Variants in PTPRA observed in about 807,000 individuals in gnomAD.
The protein encoded by PTPRA is protein tyrosine phosphatase receptor type A.
Under a neutral mutation model 104.8 loss-of-function variants are expected in PTPRA, and 25 were observed. That is an observed-to-expected ratio of 0.24 (90% CI 0.17 to 0.33). PTPRA has a LOEUF of 0.33. PTPRA is among the 10% of genes least tolerant of loss of function. The pLI is 1.00. For missense variants in PTPRA, 765 were observed against 1,015.3 expected (o/e 0.75, Z 3.35); for synonymous variants, 323 against 368.9 (o/e 0.88, Z 1.43).
chr20:2,917,297 C>T (rs759457487), intron 1 of PTPRA, among the ~76,000 whole-genome samples: 28 of 151,910 alleles, frequency 1.8e-4, no homozygotes, highest in Non-Finnish European at 8.8e-5. Context: ...AGATGTCTTT[C>T]CATTTATTTA....
intron 5 of PTPRA, among the ~76,000 whole-genome samples, chr20:2,970,040 A>G (rs989574453): frequency 1.3e-5 from 2 of 152,098 alleles, no homozygotes; most frequent in South Asian, 2.1e-4. Flanking sequence ...CATTTATAAT[A>G]TAAATAATAG....
intron 1 of PTPRA, among the ~76,000 whole-genome samples, chr20:2,914,061 A>T (rs1373173773): frequency 1.3e-5 from 2 of 152,166 alleles, no homozygotes; most frequent in Admixed American, 1.3e-4. Context: ...TTTATTCAAT[A>T]AGTTATCTAT....
chr20:2,864,200 T>A, the PTPRA span: 1 of 1,614,176 alleles, frequency 6.2e-7, no homozygotes, highest in Non-Finnish European at 8.5e-7. The surrounding 1 kb of genome is among the most constrained non-coding windows in gnomAD (Gnocchi z 5.2). Flanking sequence ...TGAGCCACGC[T>A]CAGGGGAGCA....
chr20:3,035,768 C>T lies in PTPRA; in HGVS notation c.2047-22C>T, dbSNP rs199573187. 6.8e-6 allele frequency: 11 copies of T among 1,614,210 alleles called. No individual in the cohort carries two copies. Among genetic ancestry groups the T allele is most frequent in the Middle Eastern group, 1.7e-4 (1 of 6,060 alleles). ...GGAAAAGCAGGGTTACCCCTGCCTC[C>T]CTGATCCCCTTTTTTCCAAAGGAGA... On this transcript the variant is annotated intron_variant, in intron 21 of 23. Coordinates refer to ENST00000399903, the MANE Select transcript of PTPRA (RefSeq NM_001385305.1). The surrounding 1 kb of genome is among the most constrained non-coding windows in gnomAD (Gnocchi z 5.8).
Position 3,017,893 on chromosome 20 carries a change from A to C in PTPRA, c.1021A>C (p.Asn341His). ...CACAGCCACCATCGTCATGGTTACC[A>C]ACCTGAAGGAGAGAAAGGAGGTAAG... Reference protein sequence around the residue: ...QNTATIVMVTNLKERKECKCA... With the variant: ...QNTATIVMVTHLKERKECKCA... The change falls in exon 13 of 24, where the codon AAC becomes CAC. Residue 341 changes from asparagine (N) to histidine (H), a missense_variant. Asn to His is a moderately conservative substitution (Grantham distance 68). This residue lies in a region of PTPRA where 245 missense variants were observed against 398.7 expected (regional missense o/e 0.61). Transcript: ENST00000399903. 1 of 1,614,144 alleles carries C rather than the reference A, an allele frequency of 6.2e-7. No homozygotes were observed. Among genetic ancestry groups the C allele is most frequent in the Non-Finnish European group, 8.5e-7 (1 of 1,179,964 alleles).
At chr20:2,997,204 C>CT (rs1198215885) in intron 9 of PTPRA, among the ~76,000 whole-genome samples, 36 of 147,616 alleles carry the variant, frequency 2.4e-4, no homozygotes, top group East Asian at 3.9e-4. Flanking sequence ...TATGTTAATG[C>CT]TTTTTTTTTT....
At position 2,979,218 on chromosome 20, in the gene PTPRA, A is replaced by T. The variant is rs558636347; in HGVS notation, c.442+3977A>T. Among the ~76,000 whole-genome samples the T allele has an allele frequency of 2.6e-5, 4 of 152,162 alleles. 1 individual carries two copies. Among genetic ancestry groups the T allele is most frequent in the African/African-American group, 9.6e-5 (4 of 41,486 alleles). On this transcript the variant is annotated intron_variant, in intron 6 of 23. Coordinates refer to ENST00000399903, the MANE Select transcript of PTPRA (RefSeq NM_001385305.1). Reference sequence around the variant, plus strand: ...GGTTGATTTCAATTAGAATTTAAGAATTTTTTCAGAATACATCTAGGTGTA... The same window carrying T: ...GGTTGATTTCAATTAGAATTTAAGATTTTTTTCAGAATACATCTAGGTGTA...
At chr20:2,896,962 G>A (rs188759687) in intron 1 of PTPRA, among the ~76,000 whole-genome samples, 1 of 152,254 alleles carries the variant, frequency 6.6e-6, no homozygotes, top group Admixed American at 6.5e-5. Flanking sequence ...GAATTATTTT[G>A]TAGCAAGTCC....
intron 2 of PTPRA, among the ~76,000 whole-genome samples, chr20:2,931,820 C>T (rs1378167904): frequency 5.3e-5 from 8 of 151,996 alleles, no homozygotes; most frequent in African/African-American, 1.2e-4. Flanking sequence ...CAGCCTCAAA[C>T]GAACCTCCTC....
At chr20:3,019,193 G>C (rs1414344696) in intron 13 of PTPRA, among the ~76,000 whole-genome samples, 1 of 143,216 alleles carries the variant, frequency 7.0e-6, no homozygotes, top group East Asian at 2.1e-4. Flanking sequence ...GCGGCCGGCC[G>C]GGCGTGGGGC....
chr20:2,979,525 CT>C (rs34772974), intron 6 of PTPRA, among the ~76,000 whole-genome samples: 1 of 152,126 alleles, frequency 6.6e-6, no homozygotes, highest in Non-Finnish European at 1.5e-5. Flanking sequence ...TTTAGCCTTT[CT>C]TTTTTTGGAG....
At chr20:2,927,001 AG>A (rs2060325305) in intron 2 of PTPRA, among the ~76,000 whole-genome samples, 1 of 151,428 alleles carries the variant, frequency 6.6e-6, no homozygotes, top group Admixed American at 6.6e-5. Context: ...TTGTTGGCCA[AG>A]CTGGTCTCAA....
intron 6 of PTPRA, among the ~76,000 whole-genome samples, chr20:2,978,364 A>G (rs1182096841): frequency 6.6e-6 from 1 of 152,350 alleles, no homozygotes; most frequent in Non-Finnish European, 1.5e-5. Flanking sequence ...TAGAGCCAAT[A>G]GGAAACATTT....
At chr20:2,908,398 A>G (rs1040241705) in intron 1 of PTPRA, among the ~76,000 whole-genome samples, 21 of 152,242 alleles carry the variant, frequency 1.4e-4, no homozygotes, top group Admixed American at 3.9e-4. Context: ...AAAATACGTT[A>G]TTTGAGGAAA....
At chr20:3,030,690 T>TC (rs2065401264) in intron 20 of PTPRA, among the ~76,000 whole-genome samples, 1 of 137,270 alleles carries the variant, frequency 7.3e-6, no homozygotes, top group Non-Finnish European at 1.6e-5. Flanking sequence ...TTTTTTTTTT[T>TC]TTTTTTTTTT....
Position 2,986,784 on chromosome 20 carries a change from G to C in PTPRA, c.462G>C (p.Ala154=). The change falls in exon 7 of 24, where the codon GCG becomes GCC. Residue 154 remains alanine (A), a synonymous_variant. Transcript: ENST00000399903. ...KDRRDETPII[A]VMVALSSLLV... is the part of the protein sequence containing the mutation. ...TTTCAGATGAGACACCAATTATTGC[G>C]GTGATGGTGGCCCTGTCCTCTCTGC... 1 of 1,612,776 alleles carries C rather than the reference G, an allele frequency of 6.2e-7. No individual in the cohort carries two copies. The highest frequency in any genetic ancestry group is 8.5e-7 in the Non-Finnish European group (1 of 1,178,788).
chr20:2,927,319 C>G (rs1296354175), intron 2 of PTPRA, among the ~76,000 whole-genome samples: 8 of 152,154 alleles, frequency 5.3e-5, no homozygotes, highest in Admixed American at 5.2e-4. Flanking sequence ...CTGGGCTATT[C>G]AAATGAGAAA....
At chr20:2,918,020 A>G (rs1040880213) in intron 1 of PTPRA, among the ~76,000 whole-genome samples, 4 of 148,064 alleles carry the variant, frequency 2.7e-5, no homozygotes, top group African/African-American at 7.5e-5. Flanking sequence ...CCCGGGTGGC[A>G]GAGGTTTCAG....
upstream of PTPRA, among the ~76,000 whole-genome samples, chr20:2,870,848 A>G (rs1767487073): frequency 6.6e-6 from 1 of 152,186 alleles, no homozygotes; most frequent in Admixed American, 6.5e-5. Context: ...CAGGACTAGG[A>G]GTAGGAGGGC....
Sources: gnomAD v4.1 joint callset for allele counts (sites outside exome capture counted in the v4.1 genomes callset) on GRCh38, gnomAD v4.1.1 for gene constraint, gnomAD v4.1.1 regional missense constraint, Gnocchi (gnomAD v3.1) non-coding constraint, MANE v1.5 for transcripts, NCBI Gene and HGNC (gene_info 2026-07-23, HGNC 2026-07-21) for gene names.